Variants in MGST1 observed in about 807,000 individuals in gnomAD.
MGST1 encodes microsomal glutathione S-transferase 1, also known as glutathione S-transferase 12.
MGST1 carries 5 observed loss-of-function variants against 8.9 expected under a neutral mutation model. The ratio of observed to expected loss-of-function variants is 0.56; its 90% CI spans 0.29 to 1.19. The LOEUF is 1.19. MGST1 is among the 50% of genes most tolerant of loss of function. The probability of loss-of-function intolerance (pLI) is 0.08; values close to 1 mark genes in which losing one functional copy is unlikely to be tolerated. For missense variants in MGST1, 182 were observed against 187.4 expected, an observed-to-expected ratio of 0.97 and a Z score of 0.17; for synonymous variants, 54 against 67.8, an observed-to-expected ratio of 0.80 and a Z score of 1.00.
At chr12:16,469,178 C>CTTTTTTTTTT (rs11292991) in intron 4 of MGST1, among the ~76,000 whole-genome samples, 5 of 77,522 alleles carry the variant, frequency 6.4e-5, no homozygotes, top group African/African-American at 5.2e-5. Context: ...TGCTCTATTC[C>CTTTTTTTTTT]TTTTTTTTTT....
chr12:16,399,948 A>G (rs1349677150), intron 1 of MGST1: 13 of 1,321,716 alleles, frequency 9.8e-6, no homozygotes, highest in Non-Finnish European at 1.3e-5. Flanking sequence ...GCCATTCCAT[A>G]GCATTTACCA....
chr12:16,379,055 A>G (rs1940423194), downstream of MGST1, among the ~76,000 whole-genome samples: 1 of 151,974 alleles, frequency 6.6e-6, no homozygotes, highest in East Asian at 1.9e-4. Context: ...GGGCTGAGGC[A>G]ATGGGGTTTT....
intron 4 of MGST1, among the ~76,000 whole-genome samples, chr12:16,578,923 G>T (rs1451586669): frequency 1.3e-5 from 2 of 152,008 alleles, no homozygotes; most frequent in African/African-American, 4.8e-5. Flanking sequence ...ACTTAACAAA[G>T]TCTCACTTGA....
At chr12:16,522,506 C>T (rs1375759496) in intron 4 of MGST1, among the ~76,000 whole-genome samples, 3 of 151,830 alleles carry the variant, frequency 2.0e-5, no homozygotes, top group Non-Finnish European at 4.4e-5. Flanking sequence ...TGCTTGTGGC[C>T]ATAGATCAGT....
chr12:16,400,880 G>A (rs1940649278), intron 1 of MGST1: 2 of 1,169,896 alleles, frequency 1.7e-6, no homozygotes, highest in Non-Finnish European at 2.6e-6. Flanking sequence ...CATCAGAGAT[G>A]GGTGTTTATA....
chr12:16,536,238 G>C (rs1231126090), intron 4 of MGST1, among the ~76,000 whole-genome samples: 1 of 152,088 alleles, frequency 6.6e-6, no homozygotes, highest in African/African-American at 2.4e-5. Flanking sequence ...TAACCATTTA[G>C]ATTTATACGC....
At position 16,560,276 on chromosome 12, in the gene MGST1, TG is replaced by T. The variant is rs1252848807; in HGVS notation, n.483-29249del. 15 of 877,718 alleles carry T rather than the reference TG, an allele frequency of 1.7e-5. No individual in the cohort carries two copies. The Admixed American group carries it at 4.3e-4, about 25-fold the overall frequency. The allele number at this position is 877,718 out of a possible 1,614,324, so 54.4% of individuals were successfully genotyped here. A position where few individuals can be genotyped will look rare whatever the true frequency, so the allele number is the denominator to read the frequency against. On this transcript the variant is annotated intron_variant and non_coding_transcript_variant, in intron 4 of 4. Transcript: ENST00000538857. This position sits in a 1 kb window ranked among gnomAD's most constrained non-coding sequence, Gnocchi z 5.0. ...TCTCCTTAGTAGCTTGTCTCTGGCA[TG>T]GGATTAAAGTTTACAGAACAGAAAA...
downstream of MGST1, among the ~76,000 whole-genome samples, chr12:16,381,220 G>T (rs181499420): frequency 6.6e-6 from 1 of 152,312 alleles, no homozygotes; most frequent in African/African-American, 2.4e-5. Flanking sequence ...AGTTGATGCA[G>T]TTTCTTCCTA....
At chr12:16,400,989 T>C (rs1940650359) in intron 1 of MGST1, 1 of 1,497,530 alleles carries the variant, frequency 6.7e-7, no homozygotes, top group Non-Finnish European at 9.3e-7. Flanking sequence ...ACTAGTTCTT[T>C]TTGATGTGCT....
rs1418865097 is a variant in MGST1, at chr12:16,586,372, C to G, written n.483-3156C>G. On this transcript the variant is annotated intron_variant and non_coding_transcript_variant, in intron 4 of 4. Transcript: ENST00000538857. This position sits in a 1 kb window ranked among gnomAD's most constrained non-coding sequence, Gnocchi z 4.3. ...GCATGAATGGAGAACCACTGCATGG[C>G]TGTGGCAAGGAGAGCGGAGGATCCT... Among the ~76,000 whole-genome samples, 1 of 152,174 alleles carries G rather than the reference C, an allele frequency of 6.6e-6. No individual in the cohort carries two copies. The highest frequency in any genetic ancestry group is 1.5e-5 in the Non-Finnish European group (1 of 68,026).
intron 1 of MGST1, among the ~76,000 whole-genome samples, chr12:16,393,745 T>G (rs1195967683): frequency 6.6e-6 from 1 of 152,208 alleles, no homozygotes; most frequent in Non-Finnish European, 1.5e-5. Context: ...TTTTCCTTCC[T>G]TAGACCTGTG....
intron 4 of MGST1, among the ~76,000 whole-genome samples, chr12:16,461,672 T>G (rs1431831010): frequency 6.6e-6 from 1 of 152,158 alleles, no homozygotes; most frequent in African/African-American, 2.4e-5. Flanking sequence ...TGTGCTTTTC[T>G]TGCTTTCCAA....
intron 4 of MGST1, among the ~76,000 whole-genome samples, chr12:16,561,687 G>A (rs1942411536): frequency 6.6e-6 from 1 of 152,116 alleles, no homozygotes; most frequent in Admixed American, 6.5e-5. Flanking sequence ...TTTTCTTAAG[G>A]CATGCATATT....
intron 1 of MGST1, among the ~76,000 whole-genome samples, chr12:16,426,865 G>C (rs568727689): frequency 6.8e-4 from 104 of 151,872 alleles, no homozygotes; most frequent in African/African-American, 2.4e-3. Context: ...CCAGCTACTT[G>C]GGAGGCTGAG....
chr12:16,571,844 A>G (rs1305144899), intron 4 of MGST1, among the ~76,000 whole-genome samples: 1 of 152,056 alleles, frequency 6.6e-6, no homozygotes, highest in Admixed American at 6.6e-5. Context: ...TGAACTTGTA[A>G]CATTGTCTTA....
intron 4 of MGST1, among the ~76,000 whole-genome samples, chr12:16,523,727 A>C (rs11056983): frequency 1.7e-4 from 26 of 152,070 alleles, no homozygotes; most frequent in African/African-American, 6.0e-4. Context: ...TGTAAAGAAG[A>C]TGAGTAATCA....
Position 16,452,423 on chromosome 12 carries a change from T to G in MGST1, n.482+68819T>G, listed in dbSNP as rs141726185. Among the ~76,000 whole-genome samples the G allele has an allele frequency of 1.9e-3, 280 of 151,218 alleles. 2 individuals carry two copies. The highest frequency in any genetic ancestry group is 0.011 in the East Asian group (56 of 5,130). On this transcript the variant is annotated intron_variant and non_coding_transcript_variant, in intron 4 of 4. Transcript: ENST00000538857. ...GCCAAAAAAAAAAAAATGGAAACTGTTTGGTTGTCATCATGATCACCCTAT... is the reference window on the plus strand; with the variant it reads ...GCCAAAAAAAAAAAAATGGAAACTGGTTGGTTGTCATCATGATCACCCTAT...
intron 1 of MGST1, among the ~76,000 whole-genome samples, chr12:16,428,515 A>AT (rs1009216767): frequency 4.0e-5 from 6 of 150,476 alleles, no homozygotes; most frequent in African/African-American, 1.5e-4. Context: ...GTTTTTAATT[A>AT]TTATTCTAGT....
In MGST1 at chr12:16,560,499, C is replaced by G. The variant is rs1388880163; in HGVS notation, n.483-29029C>G. On this transcript the variant is annotated intron_variant and non_coding_transcript_variant, in intron 4 of 4. Transcript: ENST00000538857. This position sits in a 1 kb window ranked among gnomAD's most constrained non-coding sequence, Gnocchi z 5.0. ...TCACCATCTCAAAGGCAGGGATGAG[C>G]TTACTACAGGCAGCGCAGTTTCCCG... 6.2e-7 allele frequency: 1 copy of G among 1,613,796 alleles called. No individual in the cohort carries two copies. The highest frequency in any genetic ancestry group is 2.2e-5 in the East Asian group (1 of 44,850).
Sources: gnomAD v4.1 joint callset for allele counts (sites outside exome capture counted in the v4.1 genomes callset) on GRCh38, gnomAD v4.1.1 for gene constraint, Gnocchi (gnomAD v3.1) non-coding constraint, MANE v1.5 for transcripts, NCBI Gene and HGNC (gene_info 2026-07-23, HGNC 2026-07-21) for gene names.